The following SEMA6D variants were observed in gnomAD, a reference collection of about 807,000 sequenced individuals.
The protein encoded by SEMA6D is semaphorin 6D.
In SEMA6D, 35 loss-of-function variants were observed where a neutral mutation model predicts 106.6. The observed-to-expected ratio is 0.33, with a 90% CI of 0.25 to 0.44. The LOEUF is 0.44. SEMA6D is among the 20% of genes least tolerant of loss of function. The probability of loss-of-function intolerance (pLI) is 1.00; values close to 1 mark genes in which losing one functional copy is unlikely to be tolerated. For synonymous variants in SEMA6D, 499 were observed against 487.7 expected (o/e 1.02, Z -0.31); for missense variants, 1,185 against 1,345.9 (o/e 0.88, Z 1.87).
chr15:47,500,413 ATAAT>A (rs1440009579), intron 3 of SEMA6D, among the ~76,000 whole-genome samples: 13 of 152,102 alleles, frequency 8.5e-5, no homozygotes, highest in African/African-American at 3.1e-4. Flanking sequence ...ATAATTTAAA[ATAAT>A]TAAGACCATA....
At chr15:47,368,165 C>T (rs2039130831) in intron 1 of SEMA6D, among the ~76,000 whole-genome samples, 1 of 152,200 alleles carries the variant, frequency 6.6e-6, no homozygotes, top group Non-Finnish European at 1.5e-5. Context: ...ACATGAAATA[C>T]CAGCAGCGCT....
At chr15:47,428,831 G>A (rs778391868) in intron 2 of SEMA6D, among the ~76,000 whole-genome samples, 9 of 151,834 alleles carry the variant, frequency 5.9e-5, no homozygotes, top group South Asian at 2.1e-4. Context: ...TGGTATTTAC[G>A]TACCTTGTGT....
chr15:47,513,667 A>G (rs999758536), intron 3 of SEMA6D, among the ~76,000 whole-genome samples: 1 of 152,198 alleles, frequency 6.6e-6, no homozygotes, highest in Non-Finnish European at 1.5e-5. Context: ...TTGATCCAAG[A>G]TAGATTCCCA....
At chr15:47,745,775 A>C (rs1159204147) in intron 1 of SEMA6D, among the ~76,000 whole-genome samples, 1 of 152,226 alleles carries the variant, frequency 6.6e-6, no homozygotes, top group African/African-American at 2.4e-5. Flanking sequence ...TCTTAGTTAC[A>C]GCTCCATTTT....
intron 3 of SEMA6D, among the ~76,000 whole-genome samples, chr15:47,570,075 A>T (rs1296442745): frequency 1.3e-5 from 2 of 151,928 alleles, no homozygotes; most frequent in East Asian, 1.9e-4. Flanking sequence ...AAAAAAAAAG[A>T]TTTGAAATTT....
At chr15:47,248,175 G>A (rs572846553) in intron 1 of SEMA6D, among the ~76,000 whole-genome samples, 2 of 152,218 alleles carry the variant, frequency 1.3e-5, no homozygotes, top group South Asian at 4.1e-4. Flanking sequence ...GAAAATCAGA[G>A]ACAATTCATT....
intron 2 of SEMA6D, among the ~76,000 whole-genome samples, chr15:47,426,457 T>A (rs1408330298): frequency 6.6e-6 from 1 of 152,144 alleles, no homozygotes; most frequent in African/African-American, 2.4e-5. Flanking sequence ...TAGGATTAAT[T>A]GAATCACCTG....
chr15:47,505,960 T>C (rs902942688), intron 3 of SEMA6D, among the ~76,000 whole-genome samples: 1 of 152,006 alleles, frequency 6.6e-6, no homozygotes, highest in Non-Finnish European at 1.5e-5. Flanking sequence ...TCTGAAGGTG[T>C]GGAGAAGTCA....
At chr15:47,586,098 C>T (rs951704881) in intron 3 of SEMA6D, among the ~76,000 whole-genome samples, 1 of 152,152 alleles carries the variant, frequency 6.6e-6, no homozygotes, top group African/African-American at 2.4e-5. Context: ...GCAAGTCTTT[C>T]TACAATTAAA....
intron 1 of SEMA6D, among the ~76,000 whole-genome samples, chr15:47,280,506 G>T (rs1456117742): frequency 8.2e-6 from 1 of 122,380 alleles, no homozygotes; most frequent in African/African-American, 3.2e-5. Flanking sequence ...TTTTTGAAGG[G>T]TTTTTTGTGT....
chr15:47,584,400 G>T (rs1355737172), intron 3 of SEMA6D, among the ~76,000 whole-genome samples: 1 of 151,260 alleles, frequency 6.6e-6, no homozygotes, highest in Non-Finnish European at 1.5e-5. Context: ...TCCAGCCTGA[G>T]CAACAAGAGC....
intron 1 of SEMA6D, among the ~76,000 whole-genome samples, chr15:47,385,135 G>A (rs2039787780): frequency 6.8e-6 from 1 of 146,474 alleles, no homozygotes; most frequent in African/African-American, 2.5e-5. Flanking sequence ...TGCAAATATT[G>A]CATCCAACTT....
At chr15:47,316,110 T>TTTTTTTTTTTTTTTTTTTTTTTTA (rs2036664918) in intron 1 of SEMA6D, among the ~76,000 whole-genome samples, 4 of 141,212 alleles carry the variant, frequency 2.8e-5, no homozygotes, top group South Asian at 2.3e-4. Context: ...TCCTTTTTTT[T>TTTTTTTTTTTTTTTTTTTTTTTTA]GAGACAGAAT....
intron 2 of SEMA6D, 108 bp from the exon 3 acceptor site, chr15:47,760,196 A>G: frequency 1.3e-6 from 1 of 743,472 alleles, no homozygotes; most frequent in Non-Finnish European, 2.2e-6. Flanking sequence ...TAAGAGAGGA[A>G]TTTAGTTAAA....
rs2217846 is a variant in SEMA6D at position 47,512,505 on chromosome 15, A to G, written c.-87+41960A>G. On this transcript the variant is annotated intron_variant, in intron 3 of 19. Transcript: ENST00000558014. The stretch of plus-strand genomic sequence containing the variant: ...CAGAGCACAGAAATGTAGCATCATC[A>G]TGCAGACAGACATGTAGACAGGCAG... Among the ~76,000 whole-genome samples the G allele has an allele frequency of 9.0e-3, 1,375 of 152,346 alleles. 20 individuals are homozygous for G. Among genetic ancestry groups the G allele is most frequent in the African/African-American group, 0.031 (1,298 of 41,580 alleles).
chr15:47,192,115 C>T (rs555497592), intron 1 of SEMA6D, among the ~76,000 whole-genome samples: 1 of 152,276 alleles, frequency 6.6e-6, no homozygotes, highest in African/African-American at 2.4e-5. Context: ...GGTGATCTTA[C>T]TGTGCTTCCT....
In SEMA6D at chr15:47,539,379, G is replaced by C. The variant is rs530562103; in HGVS notation, c.-86-61486G>C. Among the ~76,000 whole-genome samples, 26 of 151,384 alleles carry C rather than the reference G, an allele frequency of 1.7e-4. No individual in the cohort carries two copies. The South Asian group carries it at 5.0e-3, about 29-fold the overall frequency. ...CAATTTTAAATGCCTCTGAGACGAA[G>C]GTCATTTGCCGTATAGTCCCTGGCT... On this transcript the variant is annotated intron_variant, in intron 3 of 19. Coordinates refer to the SEMA6D transcript ENST00000558014.
chr15:47,598,540 T>G (rs2076580654), intron 3 of SEMA6D, among the ~76,000 whole-genome samples: 1 of 152,158 alleles, frequency 6.6e-6, no homozygotes, highest in African/African-American at 2.4e-5. Context: ...AAATAGCCCA[T>G]TAATATTTCA....
At chr15:47,428,877 A>G (rs1343060568) in intron 2 of SEMA6D, among the ~76,000 whole-genome samples, 2 of 151,866 alleles carry the variant, frequency 1.3e-5, no homozygotes, top group South Asian at 4.2e-4. Flanking sequence ...CAAATGTGTT[A>G]TGTAATTGGA....
Sources: allele counts gnomAD v4.1 joint callset (sites outside exome capture counted in the v4.1 genomes callset), GRCh38; gene constraint gnomAD v4.1.1; transcripts MANE v1.5; gene names NCBI Gene and HGNC (gene_info 2026-07-23, HGNC 2026-07-21).